PDE8A: variants seen among roughly 807,000 people sequenced by gnomAD.
The protein encoded by PDE8A is phosphodiesterase 8A, also known as high affinity cAMP-specific and IBMX-insensitive 3',5'-cyclic phosphodiesterase 8A.
A neutral mutation model predicts 105.0 loss-of-function variants in PDE8A; 59 were observed. The observed-to-expected ratio is 0.56, with a 90% CI of 0.46 to 0.70. The LOEUF (loss-of-function observed/expected upper bound fraction) is 0.70. Ranked by LOEUF, PDE8A falls within the 30% of genes least tolerant of loss-of-function variation. The probability of loss-of-function intolerance (pLI) is 0.00; values close to 1 mark genes in which losing one functional copy is unlikely to be tolerated. For synonymous variants in PDE8A, 355 were observed against 371.9 expected, an observed-to-expected ratio of 0.95 and a Z score of 0.52; for missense variants, 1,014 against 1,045.9, an observed-to-expected ratio of 0.97 and a Z score of 0.42.
intron 1 of PDE8A, among the ~76,000 whole-genome samples, chr15:84,985,463 T>C (rs1047036115): frequency 1.4e-4 from 21 of 152,184 alleles, no homozygotes; most frequent in Admixed American, 1.4e-3. Flanking sequence ...CATTTTAATA[T>C]TTTCTTGCCA....
intron 11 of PDE8A, among the ~76,000 whole-genome samples, chr15:85,108,531 G>A (rs1230609339): frequency 6.6e-6 from 1 of 152,134 alleles, no homozygotes; most frequent in Non-Finnish European, 1.5e-5. Flanking sequence ...GGAGAGTAGT[G>A]TGTCCTTCGT....
intron 1 of PDE8A, among the ~76,000 whole-genome samples, chr15:84,989,643 G>A (rs984332928): frequency 2.0e-5 from 3 of 152,206 alleles, no homozygotes; most frequent in Non-Finnish European, 4.4e-5. Context: ...CAAGTACAGA[G>A]TGAAGCTAGA....
At position 85,137,931 on chromosome 15, in the gene PDE8A, C is replaced by A. The variant is rs2082438595; in HGVS notation, c.*28C>A. 7.2e-6 allele frequency: 10 copies of A among 1,392,350 alleles called. No homozygotes were observed. The highest frequency in any genetic ancestry group is 1.0e-5 in the Non-Finnish European group (10 of 978,998). The allele number at this position is 1,392,350 out of a possible 1,614,324, so 86.2% of individuals were successfully genotyped here. On this transcript the variant is annotated 3_prime_UTR_variant, in exon 22 of 22. Coordinates refer to ENST00000394553, the MANE Select transcript of PDE8A (RefSeq NM_002605.3). ...GGAGACACCACCCAGAGCCCTGAAG[C>A]TTTGTTCCTTCGGTCATTTGGAATT...
chr15:85,009,104 AGAGAGAGTGTGT>A (rs1418446015), intron 1 of PDE8A, among the ~76,000 whole-genome samples: 2,607 of 142,416 alleles, frequency 0.018, 89 homozygotes, highest in African/African-American at 0.064. Flanking sequence ...AGAGAGAGAG[AGAGAGAGTGTGT>A]GTGTGTGTGT....
intron 1 of PDE8A, among the ~76,000 whole-genome samples, chr15:85,004,485 G>A (rs1390682947): frequency 6.6e-6 from 1 of 152,234 alleles, no homozygotes; most frequent in Non-Finnish European, 1.5e-5. Flanking sequence ...TAGGCTTAGA[G>A]AATTGCAAAC....
At chr15:85,118,774 A>C (rs992778391) in intron 17 of PDE8A, among the ~76,000 whole-genome samples, 2 of 152,228 alleles carry the variant, frequency 1.3e-5, no homozygotes, top group African/African-American at 4.8e-5. Context: ...GCAGTCATGC[A>C]GGGCCAGGGC....
chr15:85,019,109 G>A (rs993729985), intron 1 of PDE8A, among the ~76,000 whole-genome samples: 1 of 152,202 alleles, frequency 6.6e-6, no homozygotes, highest in Admixed American at 6.5e-5. Flanking sequence ...GGTAAGGGCA[G>A]TTCACTATTG....
intron 1 of PDE8A, among the ~76,000 whole-genome samples, chr15:85,035,556 A>G (rs1313707768): frequency 3.9e-5 from 6 of 152,226 alleles, no homozygotes; most frequent in South Asian, 2.1e-4. Context: ...TCAGCCAACT[A>G]TAGTGAAGGT....
chr15:85,117,903 G>A, intron 17 of PDE8A, 64 bp downstream of exon 17: 1 of 1,280,296 alleles, frequency 7.8e-7, no homozygotes, highest in Non-Finnish European at 1.1e-6. Flanking sequence ...TAGTGCTTCT[G>A]CCTCCACTAA....
At chr15:85,077,255 G>A (rs960798715) in intron 5 of PDE8A, among the ~76,000 whole-genome samples, 4 of 152,194 alleles carry the variant, frequency 2.6e-5, no homozygotes, top group African/African-American at 9.6e-5. Flanking sequence ...CTGGAAATAA[G>A]GCAGCCCAAA....
At chr15:85,054,398 C>T (rs1156369135) in intron 1 of PDE8A, among the ~76,000 whole-genome samples, 2 of 152,150 alleles carry the variant, frequency 1.3e-5, no homozygotes. Flanking sequence ...GGAATGGTAC[C>T]AGCTCCTCTT....
chr15:85,105,104 G>C (rs1266626306), intron 11 of PDE8A, among the ~76,000 whole-genome samples: 1 of 152,132 alleles, frequency 6.6e-6, no homozygotes, highest in Non-Finnish European at 1.5e-5. Context: ...AATGTGACAG[G>C]CTCTGGTTCT....
intron 1 of PDE8A, among the ~76,000 whole-genome samples, chr15:85,042,788 T>TA (rs1406235417): frequency 6.6e-6 from 1 of 152,234 alleles, no homozygotes; most frequent in African/African-American, 2.4e-5. Context: ...TCATATCTGT[T>TA]ACTCATTTAA....
intron 8 of PDE8A, among the ~76,000 whole-genome samples, chr15:85,095,217 C>T (rs1177053708): frequency 6.6e-6 from 1 of 152,162 alleles, no homozygotes; most frequent in Non-Finnish European, 1.5e-5. Flanking sequence ...TGCACCCAAA[C>T]CAGCTCATTT....
chr15:85,062,306 C>A (rs1392220639), intron 1 of PDE8A, among the ~76,000 whole-genome samples: 1 of 152,192 alleles, frequency 6.6e-6, no homozygotes, highest in East Asian at 1.9e-4. Flanking sequence ...TGCCAAGGAT[C>A]AGTCTAATGT....
At chr15:85,083,679 A>G (rs750800141) in intron 6 of PDE8A, 35 bp downstream of exon 6, 2 of 1,342,206 alleles carry the variant, frequency 1.5e-6, no homozygotes, top group Non-Finnish European at 2.1e-6. Context: ...CCTCCAGGCC[A>G]TACAGGGCAG....
In PDE8A at chr15:85,003,569, C is replaced by T. The variant is rs143998827; in HGVS notation, c.186+21221C>T. ...CTGGGGTTCAGCCAAGGCCCCAAAACGCTTTTTCAGCATAAGAATTAATAC... is the reference window on the plus strand; with the variant it reads ...CTGGGGTTCAGCCAAGGCCCCAAAATGCTTTTTCAGCATAAGAATTAATAC... On this transcript the variant is annotated intron_variant, in intron 1 of 21. Transcript: ENST00000394553. Among the ~76,000 whole-genome samples the T allele has an allele frequency of 2.9e-3, 444 of 152,290 alleles. 2 individuals are homozygous for T. Among genetic ancestry groups the T allele is most frequent in the African/African-American group, 1.0e-2 (415 of 41,556 alleles).
rs538441330 is a variant in PDE8A at position 85,138,839 on chromosome 15, A to G, written c.*936A>G. 1.3e-5 allele frequency: 2 copies of G among 152,340 alleles called. No homozygotes were observed. Among genetic ancestry groups the G allele is most frequent in the East Asian group, 3.9e-4 (2 of 5,190 alleles). 9.4% of individuals were successfully genotyped at this position (152,340 alleles called of 1,614,324 possible). Reference sequence around the variant, plus strand: ...TTAACACTTTTTTCTAAAATTTTATAATTCAATTTCCAAAAGTCTACTCTA... The same window carrying G: ...TTAACACTTTTTTCTAAAATTTTATGATTCAATTTCCAAAAGTCTACTCTA... On this transcript the variant is annotated 3_prime_UTR_variant, in exon 22 of 22. Coordinates refer to ENST00000394553, the MANE Select transcript of PDE8A (RefSeq NM_002605.3).
Position 85,043,184 on chromosome 15 carries a change from T to C in PDE8A, c.187-21186T>C, listed in dbSNP as rs542942458. On this transcript the variant is annotated intron_variant, in intron 1 of 21. Transcript: ENST00000394553. Reference sequence around the variant, plus strand: ...TTCATCTGAGAGAGAGGCATGCTGCTAATTTGTTAATCAATTGATTTGGTA... The same window carrying C: ...TTCATCTGAGAGAGAGGCATGCTGCCAATTTGTTAATCAATTGATTTGGTA... Among the ~76,000 whole-genome samples the C allele has an allele frequency of 2.6e-5, 4 of 152,346 alleles. No homozygotes were observed. In the East Asian group the frequency reaches 7.7e-4, roughly 29 times the overall value.
Sources: allele counts gnomAD v4.1 joint callset (sites outside exome capture counted in the v4.1 genomes callset), GRCh38; gene constraint gnomAD v4.1.1; transcripts MANE v1.5; gene names NCBI Gene and HGNC (gene_info 2026-07-23, HGNC 2026-07-21).